CHPT1: variants seen among roughly 807,000 people sequenced by gnomAD.
CHPT1 encodes the protein cholinephosphotransferase 1.
A neutral mutation model predicts 47.6 loss-of-function variants in CHPT1; 36 were observed. That is an observed-to-expected ratio of 0.76 (90% CI 0.58 to 1.00). The LOEUF is 1.00. Among genes scored for constraint, CHPT1 ranks in the 50% least tolerant of loss-of-function variants. The pLI is 0.00. For missense variants in CHPT1, 458 were observed against 498.1 expected, an observed-to-expected ratio of 0.92 and a Z score of 0.77; for synonymous variants, 194 against 186.3, an observed-to-expected ratio of 1.04 and a Z score of -0.33.
chr12:101,702,816 T>C (rs1951572809), intron 1 of CHPT1, among the ~76,000 whole-genome samples: 1 of 152,090 alleles, frequency 6.6e-6, no homozygotes, highest in Admixed American at 6.5e-5. Context: ...ACTCCAGATT[T>C]CCAGGAGATA....
chr12:101,703,394 A>G (rs1464046655), intron 1 of CHPT1, among the ~76,000 whole-genome samples: 1 of 152,254 alleles, frequency 6.6e-6, no homozygotes, highest in Non-Finnish European at 1.5e-5. Flanking sequence ...CTTTCAAAGT[A>G]CAGATTTATC....
At chr12:101,701,226 A>G (rs923837468) in intron 1 of CHPT1, among the ~76,000 whole-genome samples, 2 of 152,132 alleles carry the variant, frequency 1.3e-5, no homozygotes, top group Non-Finnish European at 2.9e-5. Flanking sequence ...TCTCCTTCTT[A>G]TCCCTCTCTT....
chr12:101,703,297 G>A (rs1230633244), intron 1 of CHPT1, among the ~76,000 whole-genome samples: 1 of 152,052 alleles, frequency 6.6e-6, no homozygotes, highest in African/African-American at 2.4e-5. Flanking sequence ...ACAGTGACAG[G>A]CTGGCATTTT....
Position 101,710,557 on chromosome 12 carries a change from C to T in CHPT1, c.274-3533C>T, listed in dbSNP as rs116145561. 9.7e-3 allele frequency among the ~76,000 whole-genome samples: 1,444 copies of T among 148,968 alleles called. 56 individuals carry two copies. The highest frequency in any genetic ancestry group is 0.032 in the African/African-American group (1,319 of 41,218). The stretch of plus-strand genomic sequence containing the variant: ...CATTCCCAGTCTCTCCCTATTTAAA[C>T]GCCTCTAGTATCCTAATGAAGCACT... On this transcript the variant is annotated intron_variant, in intron 1 of 8. Coordinates refer to ENST00000229266, the MANE Select transcript of CHPT1 (RefSeq NM_020244.3).
chr12:101,719,201 C>T (rs1951811207), intron 4 of CHPT1, among the ~76,000 whole-genome samples: 1 of 146,708 alleles, frequency 6.8e-6, no homozygotes, highest in Non-Finnish European at 1.5e-5. Context: ...GACCTAGAAG[C>T]AGTTAGACAA....
chr12:101,714,385 G>A (rs983332366), intron 2 of CHPT1, 119 bp from the exon 3 acceptor site: 7 of 1,164,276 alleles, frequency 6.0e-6, no homozygotes, highest in East Asian at 2.6e-5. Context: ...TTTGATAAGT[G>A]TACTTTATTT....
intron 3 of CHPT1, among the ~76,000 whole-genome samples, chr12:101,715,242 T>A (rs1002339585): frequency 4.6e-5 from 7 of 152,226 alleles, no homozygotes; most frequent in African/African-American, 2.4e-5. Flanking sequence ...TGTTCCTCTT[T>A]TTCATATAGT....
At chr12:101,701,823 C>T (rs10735378) in intron 1 of CHPT1, among the ~76,000 whole-genome samples, 88,054 of 152,042 alleles carry the variant, frequency 0.58, 25,897 homozygotes, top group East Asian at 0.9. Flanking sequence ...TTATTGGCTG[C>T]AGGAATGAAA....
intron 1 of CHPT1, among the ~76,000 whole-genome samples, chr12:101,699,898 T>A (rs761789147): frequency 3.3e-5 from 5 of 152,206 alleles, no homozygotes; most frequent in Non-Finnish European, 7.3e-5. Context: ...ACAGACCTGC[T>A]GGGTCTGTGT....
At chr12:101,723,058 C>T (rs1338029065) in intron 5 of CHPT1, 110 bp from the exon 6 acceptor site, 4 of 957,210 alleles carry the variant, frequency 4.2e-6, no homozygotes, top group Non-Finnish European at 6.6e-6. Flanking sequence ...CCATACACTA[C>T]ATCACACTGT....
chr12:101,727,155 TAA>T (rs1287904419), intron 8 of CHPT1: 2 of 151,432 alleles, frequency 1.3e-5, no homozygotes, highest in African/African-American at 4.9e-5. Context: ...AAACAGTAGC[TAA>T]GAGTCAGTTG....
intron 3 of CHPT1, chr12:101,714,865 T>C: frequency 2.7e-6 from 1 of 375,538 alleles, no homozygotes; most frequent in East Asian, 4.7e-5. Flanking sequence ...CTTCTCCTCT[T>C]CTCCAACTTA....
intron 4 of CHPT1, chr12:101,717,260 T>C (rs770981374): frequency 1.3e-5 from 6 of 454,854 alleles, no homozygotes; most frequent in Non-Finnish European, 1.3e-5. Context: ...TATTAAGGAA[T>C]GTTTTTATTT....
intron 1 of CHPT1, among the ~76,000 whole-genome samples, chr12:101,700,087 T>C (rs1951530559): frequency 1.3e-5 from 2 of 152,230 alleles, no homozygotes; most frequent in South Asian, 4.1e-4. Context: ...AAACACATAA[T>C]AAAATTTAGT....
rs1431913096 is a variant in CHPT1, at chr12:101,708,683, GC to G, written c.274-5405del. On this transcript the variant is annotated intron_variant, in intron 1 of 8. Coordinates refer to ENST00000229266, the MANE Select transcript of CHPT1 (RefSeq NM_020244.3). ...AGTGCAGTGGCTCACTTCAACCTCT[GC>G]CTCCTGGGTTCAAGCAATTCTCGTG... 5.7e-5 allele frequency among the ~76,000 whole-genome samples: 7 copies of G among 123,774 alleles called. 2 individuals carry two copies. The highest frequency in any genetic ancestry group is 2.5e-4 in the East Asian group (1 of 3,974). 81.2% of individuals were successfully genotyped at this position (123,774 alleles called of 152,430 possible).
rs761717958 is a variant in CHPT1 at position 101,723,825 on chromosome 12, A to G, written c.1043A>G (p.Tyr348Cys). 2.0e-6 allele frequency: 3 copies of G among 1,517,702 alleles called. No individual in the cohort carries two copies. The South Asian group carries it at 3.5e-5, about 18-fold the overall frequency. The allele number at this position is 1,517,702 out of a possible 1,614,324, so 94.0% of individuals were successfully genotyped here. The change falls in exon 7 of 9, where the codon TAT becomes TGT. Residue 348 changes from tyrosine to cysteine, a missense_variant. Physicochemically the swap from Tyr to Cys is radical, Grantham distance 194. Transcript: ENST00000229266. ...TACTTTAATAACTTTATAGACGAAT[A>G]TGTTGTTCTATGGATGGCAATGGTA... ...DQYFNNFIDE[Y>C]VVLWMAMVIS...
At chr12:101,698,215 C>A (rs1013731985) in intron 1 of CHPT1, 81 bp downstream of exon 1, 1 of 1,356,856 alleles carries the variant, frequency 7.4e-7, no homozygotes, top group African/African-American at 1.5e-5. Context: ...AGGGCGGACC[C>A]ACGCGCGGCT....
At chr12:101,719,433 T>A (rs1008122678) in intron 4 of CHPT1, 9 of 625,862 alleles carry the variant, frequency 1.4e-5, no homozygotes, top group Non-Finnish European at 2.3e-5. Flanking sequence ...CATAGTAGCC[T>A]CTAGCTTCTG....
intron 8 of CHPT1, 106 bp downstream of exon 8, chr12:101,726,510 T>A: frequency 6.9e-7 from 1 of 1,446,728 alleles, no homozygotes; most frequent in East Asian, 2.3e-5. Flanking sequence ...TAGTATACCA[T>A]CAATAAGGTT....
Sources: allele counts gnomAD v4.1 joint callset (sites outside exome capture counted in the v4.1 genomes callset), GRCh38; gene constraint gnomAD v4.1.1; transcripts MANE v1.5; gene names NCBI Gene and HGNC (gene_info 2026-07-23, HGNC 2026-07-21).